DSC2: variants seen among roughly 807,000 people sequenced by gnomAD.
DSC2 encodes desmocollin 2, also known as desmocollin-2.
In DSC2, 51 loss-of-function variants were observed where a neutral mutation model predicts 87.6. That is an observed-to-expected ratio of 0.58 (90% confidence interval 0.46 to 0.74). The LOEUF (loss-of-function observed/expected upper bound fraction) is 0.74, where lower values mean the gene tolerates loss of function less well. Among genes scored for constraint, DSC2 ranks in the 30% least tolerant of loss-of-function variants. The probability of loss-of-function intolerance (pLI) is 0.00; values close to 1 mark genes in which losing one functional copy is unlikely to be tolerated. For synonymous variants in DSC2, 383 were observed against 393.2 expected (o/e 0.97, Z 0.31); for missense variants, 1,066 against 1,089.5 (o/e 0.98, Z 0.30).
chr18:31,072,064 C>T (rs1009067550), intron 12 of DSC2, among the ~76,000 whole-genome samples: 8 of 152,188 alleles, frequency 5.3e-5, no homozygotes, highest in African/African-American at 1.9e-4. Flanking sequence ...GCCTCTTAAA[C>T]AAAGTCTTTT....
At chr18:31,093,194 T>C (rs927948346) in intron 2 of DSC2, among the ~76,000 whole-genome samples, 2 of 152,212 alleles carry the variant, frequency 1.3e-5, no homozygotes, top group East Asian at 1.9e-4. Flanking sequence ...GTTTGTTACA[T>C]AGGTAAACAC....
chr18:31,072,041 G>C (rs1162934398), intron 12 of DSC2, among the ~76,000 whole-genome samples, 200 bp from the exon 13 acceptor site: 1 of 152,144 alleles, frequency 6.6e-6, no homozygotes, highest in African/African-American at 2.4e-5. Context: ...ACATATAAAA[G>C]TTTGTCTATG....
chr18:31,102,325 G>C lies in DSC2; in HGVS notation c.-354C>G. On this transcript the variant is annotated 5_prime_UTR_variant, in exon 1 of 16. Transcript: ENST00000280904. ...CCTGCGCAAGGTGTTTCTCACCAGCGGACGCCACCTATAAGGCCCATCTCC... is the reference window on the plus strand; with the variant it reads ...CCTGCGCAAGGTGTTTCTCACCAGCCGACGCCACCTATAAGGCCCATCTCC... The C allele has an allele frequency of 4.6e-6, 1 of 216,268 alleles. No individual in the cohort carries two copies. The highest frequency in any genetic ancestry group is 9.0e-6 in the Non-Finnish European group (1 of 110,580). 13.4% of individuals were successfully genotyped at this position (216,268 alleles called of 1,614,324 possible). A position where few individuals can be genotyped will look rare whatever the true frequency, so the allele number is the denominator to read the frequency against.
intron 11 of DSC2, among the ~76,000 whole-genome samples, chr18:31,078,557 G>GC (rs1987096826): frequency 6.7e-6 from 1 of 149,014 alleles, no homozygotes; most frequent in South Asian, 2.1e-4. Flanking sequence ...TGAGTTTCAT[G>GC]TTTTTTTTTT....
At position 31,067,593 on chromosome 18, in the gene DSC2, G is replaced by A. The variant is rs769685892; in HGVS notation, c.*422C>T. The A allele has an allele frequency of 2.0e-5, 4 of 195,362 alleles. No individual in the cohort carries two copies. In the East Asian group the frequency reaches 5.7e-4, roughly 28 times the overall value. 12.1% of individuals were successfully genotyped at this position (195,362 alleles called of 1,614,324 possible). A position where few individuals can be genotyped will look rare whatever the true frequency, so the allele number is the denominator to read the frequency against. Reference sequence around the variant, plus strand: ...ACTTTAGATGTTCAGGAAAACAACAGTTTCCAAGCACCACATGAACACTTA... The same window carrying A: ...ACTTTAGATGTTCAGGAAAACAACAATTTCCAAGCACCACATGAACACTTA... On this transcript the variant is annotated 3_prime_UTR_variant, in exon 16 of 16. Transcript: ENST00000280904.
intron 1 of DSC2, chr18:31,101,280 G>A (rs1382069806): frequency 2.0e-6 from 1 of 488,758 alleles, no homozygotes; most frequent in Admixed American, 1.4e-4. Flanking sequence ...TCCCCCACCC[G>A]CCACTTCCCC....
rs1371722130 is a variant in DSC2, at chr18:31,071,851, T to C, written c.1889-10A>G. 8 of 1,600,736 alleles carry C rather than the reference T, an allele frequency of 5.0e-6. No homozygotes were observed. The highest frequency in any genetic ancestry group is 2.7e-5 in the African/African-American group (2 of 74,586). The stretch of plus-strand genomic sequence containing the variant: ...AGACGTGCTGCTGTATCTGAAAATA[T>C]AAATAAATAAAACCAAACATTATAC... On this transcript the variant is annotated splice_polypyrimidine_tract_variant and intron_variant, in intron 12 of 15. Coordinates refer to ENST00000280904, the MANE Select transcript of DSC2 (RefSeq NM_024422.6).
At position 31,092,138 on chromosome 18, in the gene DSC2, T is replaced by A; in HGVS notation, c.317A>T (p.Lys106Met). The change falls in exon 3 of 16, where the codon AAG becomes ATG. Residue 106 changes from lysine to methionine, a missense_variant. By Grantham distance (95) the Lys-to-Met change is moderately conservative (BLOSUM62 -1). Coordinates refer to ENST00000280904, the MANE Select transcript of DSC2 (RefSeq NM_024422.6). ...ILLSNTENQE[K>M]KKIFVFLEHQ... ...CTCCAAAAAGACAAATATTTTCTTC[T>A]TTTCTTGGTTCTCAGTGTTGGAAAG... 1 of 1,613,298 alleles carries A rather than the reference T, an allele frequency of 6.2e-7. No homozygotes were observed. Among genetic ancestry groups the A allele is most frequent in the Non-Finnish European group, 8.5e-7 (1 of 1,179,500 alleles).
rs1339300237 is a variant in DSC2 at position 31,071,769 on chromosome 18, T to C, written c.1961A>G (p.Asp654Gly). Residue 654 changes from aspartate to glycine, a missense_variant, in exon 13 of 16, where the codon GAT (aspartate) becomes GGT (glycine). Transcript: ENST00000280904. ...GSYVVPITVR[D>G]RLGMSSVTSL... ...AGTGACACTAGACATGCCAAGTCTA[T>C]CTCTCACTGTTATAGGTACTACATA... 1 of 1,613,846 alleles carries C rather than the reference T, an allele frequency of 6.2e-7. No individual in the cohort carries two copies. Among genetic ancestry groups the C allele is most frequent in the Non-Finnish European group, 8.5e-7 (1 of 1,179,942 alleles).
Position 31,062,392 on chromosome 18 carries a change from C to T in DSC2, c.*5623G>A, listed in dbSNP as rs992493776. ...TTTTCCTCAGGTGGTTAGAGAGTGG[C>T]CTTTTGGTTAAAAAAAAAAAATTCA... On this transcript the variant is annotated 3_prime_UTR_variant, in exon 16 of 16. Transcript: ENST00000280904. 5.5e-5 allele frequency: 4 copies of T among 73,316 alleles called. No individual in the cohort carries two copies. The highest frequency in any genetic ancestry group is 1.1e-4 in the Non-Finnish European group (4 of 34,826). The allele number at this position is 73,316 out of a possible 1,614,324, so 4.5% of individuals were successfully genotyped here. A position where few individuals can be genotyped will look rare whatever the true frequency, so the allele number is the denominator to read the frequency against.
At chr18:31,079,315 G>A (rs755047377) in intron 11 of DSC2, among the ~76,000 whole-genome samples, 8 of 152,180 alleles carry the variant, frequency 5.3e-5, no homozygotes, top group East Asian at 3.9e-4. Flanking sequence ...GTGCAGTGGC[G>A]CGATCTTGGC....
intron 4 of DSC2, among the ~76,000 whole-genome samples, chr18:31,090,723 T>C (rs999038490): frequency 3.9e-5 from 6 of 152,202 alleles, no homozygotes; most frequent in African/African-American, 1.4e-4. Context: ...TTCTCCTTTA[T>C]TATGCAAGAG....
At chr18:31,101,287 C>T (rs1987939795) in intron 1 of DSC2, 2 of 883,266 alleles carry the variant, frequency 2.3e-6, no homozygotes, top group Non-Finnish European at 2.7e-6. Flanking sequence ...CCCGCCACTT[C>T]CCCCCGCCCT....
intron 1 of DSC2, among the ~76,000 whole-genome samples, chr18:31,095,973 G>A (rs1298778677): frequency 6.6e-6 from 1 of 152,066 alleles, no homozygotes; most frequent in African/African-American, 2.4e-5. Flanking sequence ...GTTGATGTGT[G>A]TACCAGAGCG....
rs1180069570 is a variant in DSC2 at position 31,067,200 on chromosome 18, AAG to A, written c.*813_*814del. 2.6e-5 allele frequency: 4 copies of A among 151,802 alleles called. No homozygotes were observed. Among genetic ancestry groups the A allele is most frequent in the Non-Finnish European group, 2.9e-5 (2 of 67,898 alleles). The allele number at this position is 151,802 out of a possible 1,614,324, so 9.4% of individuals were successfully genotyped here. On this transcript the variant is annotated 3_prime_UTR_variant, in exon 16 of 16. Transcript: ENST00000280904. Reference sequence around the variant, plus strand: ...AATAATTCACTTTATGAGAGAAGAAAAGAGAGACAGATTTTTAAAATATTTGG... The same window carrying A: ...AATAATTCACTTTATGAGAGAAGAAAAGAGACAGATTTTTAAAATATTTGG...
intron 14 of DSC2, 21 bp from the exon 15 acceptor site, chr18:31,069,172 A>C: frequency 6.2e-7 from 1 of 1,614,040 alleles, no homozygotes; most frequent in Non-Finnish European, 8.5e-7. Context: ...AACAATTTGC[A>C]TTAGGGATAA....
chr18:31,093,357 C>T (rs1011164285), intron 2 of DSC2, among the ~76,000 whole-genome samples: 1 of 152,196 alleles, frequency 6.6e-6, no homozygotes, highest in Admixed American at 6.5e-5. Context: ...GTTCACATTG[C>T]TCAGCTCCCA....
Position 31,102,363 on chromosome 18 carries a change from C to A in DSC2, c.-392G>T. 1 of 174,932 alleles carries A rather than the reference C, an allele frequency of 5.7e-6. No homozygotes were observed. The highest frequency in any genetic ancestry group is 1.2e-5 in the Non-Finnish European group (1 of 83,560). 10.8% of individuals were successfully genotyped at this position (174,932 alleles called of 1,614,324 possible). ...AAGGCCCATCTCCCCCACCACGCCC[C>A]GGTGTCCGCTCCGCCAGGCGAGATT... On this transcript the variant is annotated 5_prime_UTR_variant, in exon 1 of 16. Transcript: ENST00000280904.
chr18:31,089,403 T>C, intron 5 of DSC2, 36 bp downstream of exon 5: 1 of 1,612,108 alleles, frequency 6.2e-7, no homozygotes, highest in Non-Finnish European at 8.5e-7. Context: ...CCAAGCATCA[T>C]CATTGCTAAT....
Sources: allele counts gnomAD v4.1 joint callset (sites outside exome capture counted in the v4.1 genomes callset), GRCh38; gene constraint gnomAD v4.1.1; transcripts MANE v1.5; gene names NCBI Gene and HGNC (gene_info 2026-07-23, HGNC 2026-07-21).